The following NLGN1 variants were observed in gnomAD, a reference collection of about 807,000 sequenced individuals.
The protein encoded by NLGN1 is neuroligin 1.
A neutral mutation model predicts 65.5 loss-of-function variants in NLGN1; 12 were observed. That is an observed-to-expected ratio of 0.18 (90% CI 0.12 to 0.30). The LOEUF is 0.30. NLGN1 is among the 10% of genes least tolerant of loss of function. NLGN1 has a pLI of 1.00. For missense variants in NLGN1, 750 were observed against 1,007.1 expected (o/e 0.74, Z 3.46); for synonymous variants, 350 against 359.5 (o/e 0.97, Z 0.30).
intron 3 of NLGN1, among the ~76,000 whole-genome samples, chr3:173,672,801 A>G (rs1762624096): frequency 6.6e-6 from 1 of 152,166 alleles, no homozygotes; most frequent in African/African-American, 2.4e-5. Context: ...AACTCTTTCA[A>G]CTATATTTTT....
chr3:174,231,763 G>A (rs992845082), intron 4 of NLGN1, among the ~76,000 whole-genome samples: 5 of 152,066 alleles, frequency 3.3e-5, no homozygotes, highest in Admixed American at 2.0e-4. Context: ...CCCAAGTCAC[G>A]CCAGCCTAGC....
chr3:173,706,827 G>A (rs975019677), intron 3 of NLGN1, among the ~76,000 whole-genome samples: 3 of 152,186 alleles, frequency 2.0e-5, no homozygotes, highest in Admixed American at 6.5e-5. Flanking sequence ...ACGCCCACGC[G>A]TGCACGCACG....
At chr3:174,105,409 G>A (rs1328081392) in intron 4 of NLGN1, among the ~76,000 whole-genome samples, 2 of 151,890 alleles carry the variant, frequency 1.3e-5, no homozygotes, top group South Asian at 2.1e-4. Context: ...ATGGTGGCAC[G>A]CACCCATATC....
At chr3:174,047,132 A>T (rs759747799) in intron 4 of NLGN1, among the ~76,000 whole-genome samples, 5 of 152,002 alleles carry the variant, frequency 3.3e-5, no homozygotes, top group African/African-American at 1.2e-4. Flanking sequence ...TTGCTGATAT[A>T]TTAAATATTA....
At chr3:173,453,630 T>C (rs1348448479) in intron 2 of NLGN1, among the ~76,000 whole-genome samples, 2 of 152,208 alleles carry the variant, frequency 1.3e-5, no homozygotes, top group African/African-American at 2.4e-5. Context: ...ATAAACCACT[T>C]TCTTCACTTA....
At chr3:173,996,943 G>A (rs543012950) in intron 4 of NLGN1, among the ~76,000 whole-genome samples, 4 of 152,078 alleles carry the variant, frequency 2.6e-5, no homozygotes, top group African/African-American at 7.2e-5. Flanking sequence ...ACTTTAACAG[G>A]GCGTAATATA....
chr3:173,615,510 G>A (rs1200680311), intron 3 of NLGN1, among the ~76,000 whole-genome samples: 1 of 152,070 alleles, frequency 6.6e-6, no homozygotes, highest in Non-Finnish European at 1.5e-5. Flanking sequence ...AACAAAATGA[G>A]GAAATAGCTG....
intron 3 of NLGN1, among the ~76,000 whole-genome samples, chr3:173,720,272 C>T (rs185329101): frequency 3.7e-4 from 56 of 152,036 alleles, no homozygotes; most frequent in Non-Finnish European, 5.7e-4. Flanking sequence ...TATTTTGAGG[C>T]GGGGGGTGCC....
chr3:173,602,187 T>G (rs1015605549), intron 2 of NLGN1, among the ~76,000 whole-genome samples: 17 of 152,014 alleles, frequency 1.1e-4, no homozygotes, highest in African/African-American at 4.1e-4. Flanking sequence ...GAGACATAAA[T>G]GCATGAAAAC....
chr3:173,747,456 A>G (rs992294812), intron 3 of NLGN1, among the ~76,000 whole-genome samples: 1 of 149,188 alleles, frequency 6.7e-6, no homozygotes, highest in African/African-American at 2.4e-5. Flanking sequence ...TAGAATATCA[A>G]AAAGTATTTG....
chr3:174,122,674 C>T (rs1718026237), intron 4 of NLGN1, among the ~76,000 whole-genome samples: 1 of 152,046 alleles, frequency 6.6e-6, no homozygotes, highest in South Asian at 2.1e-4. Context: ...TGTTTTTAAG[C>T]CAAAGCCCAG....
chr3:173,974,760 G>A (rs865833494), intron 4 of NLGN1, among the ~76,000 whole-genome samples: 2 of 151,966 alleles, frequency 1.3e-5, no homozygotes, highest in South Asian at 4.1e-4. Flanking sequence ...ACTTCCTACA[G>A]CAGGCCCTAT....
rs1397383942 is a variant in NLGN1, at chr3:173,861,920, A to C, written c.646+54088A>C. On this transcript the variant is annotated intron_variant, in intron 4 of 6. Coordinates refer to ENST00000457714, the Ensembl canonical transcript of NLGN1. Reference sequence around the variant, plus strand: ...ATTACAGATGCACACCACCACACCCAACTAATTTTTGTGTGTGTGTGTATT... The same window carrying C: ...ATTACAGATGCACACCACCACACCCCACTAATTTTTGTGTGTGTGTGTATT... 1.3e-5 allele frequency among the ~76,000 whole-genome samples: 2 copies of C among 150,678 alleles called. 1 individual carries two copies. The highest frequency in any genetic ancestry group is 3.0e-5 in the Non-Finnish European group (2 of 67,686).
intron 4 of NLGN1, among the ~76,000 whole-genome samples, chr3:173,832,022 A>G (rs1431506044): frequency 1.3e-5 from 2 of 151,390 alleles, no homozygotes; most frequent in East Asian, 1.9e-4. Flanking sequence ...TGATGGTGCA[A>G]TTATGGCTTA....
intron 4 of NLGN1, among the ~76,000 whole-genome samples, chr3:174,144,084 T>A (rs1320730055): frequency 6.6e-6 from 1 of 152,086 alleles, no homozygotes; most frequent in Non-Finnish European, 1.5e-5. Context: ...CCCTCTGACA[T>A]GCCACAGTGT....
intron 2 of NLGN1, among the ~76,000 whole-genome samples, chr3:173,591,297 C>T (rs1427787785): frequency 6.6e-6 from 1 of 151,956 alleles, no homozygotes; most frequent in Admixed American, 6.6e-5. Context: ...GTTATTAGTA[C>T]TAATGCAACT....
intron 2 of NLGN1, among the ~76,000 whole-genome samples, chr3:173,439,437 C>CAAGGTGTAGAACACAAGGAAAAATGTGG (rs1718746383): frequency 1.3e-5 from 2 of 151,028 alleles, no homozygotes; most frequent in Non-Finnish European, 2.9e-5. Context: ...AAATGTGTCC[C>CAAGGTGTAGAACACAAGGAAAAATGTGG]AAGGTGTAGA....
At chr3:174,131,940 G>T (rs1027728286) in intron 4 of NLGN1, among the ~76,000 whole-genome samples, 3 of 152,144 alleles carry the variant, frequency 2.0e-5, no homozygotes, top group Non-Finnish European at 4.4e-5. Flanking sequence ...ATGCCTATTT[G>T]GTACCATGTG....
chr3:173,894,618 CTTTTT>C, intron 4 of NLGN1, among the ~76,000 whole-genome samples: 1 of 141,980 alleles, frequency 7.0e-6, no homozygotes, highest in Admixed American at 7.2e-5. Flanking sequence ...AATTTCTTTT[CTTTTT>C]TTTCTTTTTC....
Sources: allele counts gnomAD v4.1 joint callset (sites outside exome capture counted in the v4.1 genomes callset), GRCh38; gene constraint gnomAD v4.1.1; transcripts MANE v1.5; gene names NCBI Gene and HGNC (gene_info 2026-07-23, HGNC 2026-07-21).